Variants in DNAH10 observed in about 807,000 individuals in gnomAD.
DNAH10 encodes dynein axonemal heavy chain 10.
A neutral mutation model predicts 506.6 loss-of-function variants in DNAH10; 348 were observed. The ratio of observed to expected loss-of-function variants is 0.69; its 90% CI spans 0.63 to 0.75. The LOEUF (loss-of-function observed/expected upper bound fraction) is 0.75, where lower values mean the gene tolerates loss of function less well. DNAH10 is among the 30% of genes least tolerant of loss of function. The pLI is 0.00. For missense variants in DNAH10, 5,179 were observed against 5,787.1 expected (o/e 0.89, Z 3.41); for synonymous variants, 2,059 against 2,198.6 (o/e 0.94, Z 1.78).
chr12:123,926,237 T>TAAAA lies in DNAH10; in HGVS notation c.11922-385_11922-382dup, dbSNP rs869303760. 9.2e-6 allele frequency among the ~76,000 whole-genome samples: 1 copy of TAAAA among 108,352 alleles called. No individual in the cohort carries two copies. The allele number at this position is 108,352 out of a possible 152,430, so 71.1% of individuals were successfully genotyped here. On this transcript the variant is annotated intron_variant, in intron 68 of 78. Transcript: ENST00000673944. This position sits in a 1 kb window ranked among gnomAD's most constrained non-coding sequence, Gnocchi z 4.1. ...CAGAGTGAGATTATATATTTCAATT[T>TAAAA]AAAAAAAAAAAAAAAAAAGAAAAAG...
intron 59 of DNAH10, among the ~76,000 whole-genome samples, chr12:123,911,255 CTGG>C (rs1238909891): frequency 1.5e-5 from 1 of 67,606 alleles, no homozygotes; most frequent in Admixed American, 1.6e-4. Flanking sequence ...TGAATGTGGC[CTGG>C]TGGTGGTGGG....
Position 123,783,947 on chromosome 12 carries a change from G to A in DNAH10, c.1000G>A (p.Gly334Ser), listed in dbSNP as rs201619821. Reference protein sequence around the residue: ...VEAQLKKTPQGKGPLAEIEFW... With the variant: ...VEAQLKKTPQSKGPLAEIEFW... Reference sequence around the variant, plus strand: ...TTTGTGTGTTCATTTCACCTCTCAGGGTAAAGGCCCTCTGGCTGAAATTGA... The same window carrying A: ...TTTGTGTGTTCATTTCACCTCTCAGAGTAAAGGCCCTCTGGCTGAAATTGA... The change falls in exon 8 of 79, where the codon GGT becomes AGT. Residue 334 changes from glycine to serine, a missense_variant and splice_region_variant. By Grantham distance (56) the Gly-to-Ser change is moderately conservative. Coordinates refer to ENST00000673944, the MANE Select transcript of DNAH10 (RefSeq NM_001372106.1). 352 of 1,613,974 alleles carry A rather than the reference G, an allele frequency of 2.2e-4. No homozygotes were observed. The Middle Eastern group carries it at 3.1e-3, about 14-fold the overall frequency.
intron 65 of DNAH10, among the ~76,000 whole-genome samples, chr12:123,922,478 C>G (rs1954772590): frequency 6.6e-6 from 1 of 152,192 alleles, no homozygotes; most frequent in Non-Finnish European, 1.5e-5. Context: ...GTAGGACACA[C>G]TCGTGTCCCT....
At chr12:123,881,929 A>G in intron 51 of DNAH10, 116 bp downstream of exon 51, 1 of 1,031,408 alleles carries the variant, frequency 9.7e-7, no homozygotes, top group East Asian at 3.2e-5. Context: ...TTCATAGAGT[A>G]TCGAGGTGGG....
At position 123,838,709 on chromosome 12, in the gene DNAH10, AGG is replaced by A. The variant is rs770108171; in HGVS notation, c.5136+23_5136+24del. The A allele has an allele frequency of 2.3e-4, 372 of 1,606,048 alleles. No individual in the cohort carries two copies. The highest frequency in any genetic ancestry group is 3.1e-4 in the Non-Finnish European group (360 of 1,174,388). ...ATCAAGGTCAGCCCTCTGGGTGTGC[AGG>A]GGCTCCCCGTGTAAGCCTTAGAACC... On this transcript the variant is annotated intron_variant, in intron 29 of 78. Coordinates refer to ENST00000673944, the MANE Select transcript of DNAH10 (RefSeq NM_001372106.1).
In DNAH10 at chr12:123,799,349, T is replaced by G. The variant is rs1207083002; in HGVS notation, c.2267T>G (p.Met756Arg). ...ACGGAGCAGGTGCTGCCAGCTCTCA[T>G]GAAGAAGAGCCTTTTGACCAAGGTG... ...EVTEQVLPAL[M>R]KKSLLTKSSI... The change falls in exon 14 of 79, where the codon ATG (methionine) becomes AGG (arginine). Residue 756 changes from methionine to arginine, a missense_variant. Coordinates refer to ENST00000673944, the MANE Select transcript of DNAH10 (RefSeq NM_001372106.1). 1 of 1,611,728 alleles carries G rather than the reference T, an allele frequency of 6.2e-7. No individual in the cohort carries two copies. Among genetic ancestry groups the G allele is most frequent in the African/African-American group, 1.3e-5 (1 of 74,888 alleles).
chr12:123,916,424 G>A lies in DNAH10; in HGVS notation c.10723-33G>A, dbSNP rs1954481555. The stretch of plus-strand genomic sequence containing the variant: ...ATTTGGCAGGGCCACAGTTAAACGT[G>A]GGCTTTCAGCATCTGCCTCCCTTCT... On this transcript the variant is annotated intron_variant, in intron 62 of 78. Transcript: ENST00000673944. This position sits in a 1 kb window ranked among gnomAD's most constrained non-coding sequence, Gnocchi z 4.6. The A allele has an allele frequency of 6.3e-7, 1 of 1,581,816 alleles. No individual in the cohort carries two copies. Among genetic ancestry groups the A allele is most frequent in the African/African-American group, 1.4e-5 (1 of 73,462 alleles).
Position 123,838,646 on chromosome 12 carries a change from T to C in DNAH10, c.5093T>C (p.Leu1698Pro). The change falls in exon 29 of 79, where the codon CTG becomes CCG. Residue 1698 changes from leucine (L) to proline (P), a missense_variant. Leu to Pro is a moderately conservative substitution (Grantham distance 98, BLOSUM62 -3). Transcript: ENST00000673944. The part of the protein sequence containing the change: ...FISDDELLSI[L>P]GSSDPLCVQE... Reference sequence around the variant, plus strand: ...TCTGACGATGAGTTGCTTAGCATTCTGGGGAGCAGCGACCCACTCTGCGTC... The same window carrying C: ...TCTGACGATGAGTTGCTTAGCATTCCGGGGAGCAGCGACCCACTCTGCGTC... The C allele has an allele frequency of 1.2e-6, 2 of 1,613,974 alleles. No individual in the cohort carries two copies. Among genetic ancestry groups the C allele is most frequent in the Non-Finnish European group, 1.7e-6 (2 of 1,179,884 alleles).
chr12:123,842,719 AT>A (rs1247614478), intron 30 of DNAH10, among the ~76,000 whole-genome samples: 3 of 152,202 alleles, frequency 2.0e-5, no homozygotes, highest in South Asian at 4.1e-4. Flanking sequence ...TCTGGAAAAA[AT>A]TTTTTTAAAG....
At chr12:123,848,236 C>T (rs1951033300) in intron 33 of DNAH10, 141 bp downstream of exon 33, 1 of 1,279,314 alleles carries the variant, frequency 7.8e-7, no homozygotes, top group Non-Finnish European at 1.1e-6. Context: ...AGCCCCAGAA[C>T]CTAAGTGTGT....
At position 123,926,701 on chromosome 12, in the gene DNAH10, A is replaced by G. The variant is rs1482627738; in HGVS notation, c.11986A>G (p.Ile3996Val). Residue 3996 changes from isoleucine (I) to valine (V), a missense_variant, in exon 69 of 79, where the codon ATT becomes GTT. Ile to Val is a conservative substitution (Grantham distance 29). Coordinates refer to ENST00000673944, the MANE Select transcript of DNAH10 (RefSeq NM_001372106.1). This position sits in a 1 kb window ranked among gnomAD's most constrained non-coding sequence, Gnocchi z 4.1. ...IFEQSTPHSP[I>V]VFILSPGSDP... Reference sequence around the variant, plus strand: ...TGAGCAGAGCACTCCACATTCGCCCATTGTGTTTATCCTGAGTCCTGGCTC... The same window carrying G: ...TGAGCAGAGCACTCCACATTCGCCCGTTGTGTTTATCCTGAGTCCTGGCTC... The G allele has an allele frequency of 1.2e-6, 2 of 1,613,850 alleles. No homozygotes were observed. The highest frequency in any genetic ancestry group is 1.3e-5 in the African/African-American group (1 of 74,896).
At chr12:123,783,915 A>G in intron 7 of DNAH10, 32 bp from the exon 8 acceptor site, 1 of 1,588,744 alleles carries the variant, frequency 6.3e-7, no homozygotes, top group Non-Finnish European at 8.6e-7. Context: ...CCTAATAATG[A>G]GAGTTCTTTG....
intron 21 of DNAH10, among the ~76,000 whole-genome samples, chr12:123,816,233 C>T (rs915082057): frequency 2.0e-5 from 3 of 152,158 alleles, no homozygotes; most frequent in Non-Finnish European, 2.9e-5. Flanking sequence ...TGACTGGTGG[C>T]TGGGAGCCCT....
At chr12:123,890,580 C>T (rs1952937387) in intron 52 of DNAH10, among the ~76,000 whole-genome samples, 1 of 152,080 alleles carries the variant, frequency 6.6e-6, no homozygotes, top group Non-Finnish European at 1.5e-5. Flanking sequence ...GCCACTGCAC[C>T]CAGCCAAGAT....
chr12:123,929,666 C>T lies in DNAH10; in HGVS notation c.12519C>T (p.Val4173=), dbSNP rs1955114377. Residue 4173 remains valine (V), a splice_region_variant and synonymous_variant, in exon 72 of 79, where the codon GTC becomes GTT. Coordinates refer to ENST00000673944, the MANE Select transcript of DNAH10 (RefSeq NM_001372106.1). ...YYDFNESDFQ[V]CMEILNTYLT... ...TGAGCGTGTTCTCTTCTTTCAAGGT[C>T]TGCATGGAAATTCTGAACACGTACT... The T allele has an allele frequency of 1.2e-6, 2 of 1,612,772 alleles. No individual in the cohort carries two copies. The highest frequency in any genetic ancestry group is 4.5e-5 in the East Asian group (2 of 44,842).
chr12:123,914,378 G>A lies in DNAH10; in HGVS notation c.10402G>A (p.Gly3468Arg). The A allele has an allele frequency of 6.2e-7, 1 of 1,613,436 alleles. No individual in the cohort carries two copies. The highest frequency in any genetic ancestry group is 1.1e-5 in the South Asian group (1 of 91,078). The change falls in exon 61 of 79, where the codon GGG (glycine) becomes AGG (arginine). Residue 3468 changes from glycine to arginine, a missense_variant. Physicochemically the swap from Gly to Arg is moderately radical, Grantham distance 125. Around this residue, in one of 3 missense-constraint regions of DNAH10, gnomAD observed 4,844 missense variants for 5,430.5 expected, o/e 0.89. Coordinates refer to ENST00000673944, the MANE Select transcript of DNAH10 (RefSeq NM_001372106.1). Reference sequence around the variant, plus strand: ...GATGCACCGGCGCGTGAAGCTGCTGGGGGACTGCCTGCTCTGCGCGGCTTT... The same window carrying A: ...GATGCACCGGCGCGTGAAGCTGCTGAGGGACTGCCTGCTCTGCGCGGCTTT... The part of the protein sequence containing the change: ...ELMHRRVKLL[G>R]DCLLCAAFLS...
Position 123,913,937 on chromosome 12 carries a change from C to T in DNAH10, c.10353-392C>T, listed in dbSNP as rs763922102. 8.5e-5 allele frequency among the ~76,000 whole-genome samples: 13 copies of T among 152,200 alleles called. No individual in the cohort carries two copies. Among genetic ancestry groups the T allele is most frequent in the Admixed American group, 2.0e-4 (3 of 15,276 alleles). On this transcript the variant is annotated intron_variant, in intron 60 of 78. Transcript: ENST00000673944. This position sits in a 1 kb window ranked among gnomAD's most constrained non-coding sequence, Gnocchi z 5.1. ...ACTGAAAGAGGACAAATGAAACAGACGCTTTCTTTTATCTTGGGTGGAATT... is the reference window on the plus strand; with the variant it reads ...ACTGAAAGAGGACAAATGAAACAGATGCTTTCTTTTATCTTGGGTGGAATT...
In DNAH10 at chr12:123,917,769, G is replaced by T; in HGVS notation, c.11188G>T (p.Asp3730Tyr). The T allele has an allele frequency of 6.3e-7, 1 of 1,576,278 alleles. No individual in the cohort carries two copies. The highest frequency in any genetic ancestry group is 8.6e-7 in the Non-Finnish European group (1 of 1,161,356). Residue 3730 changes from aspartate to tyrosine, a missense_variant, in exon 64 of 79, where the codon GAC (aspartate) becomes TAC (tyrosine). Asp to Tyr is a radical substitution (Grantham distance 160, BLOSUM62 -3). Around this residue, in one of 3 missense-constraint regions of DNAH10, gnomAD observed 4,844 missense variants for 5,430.5 expected, o/e 0.89. Coordinates refer to ENST00000673944, the MANE Select transcript of DNAH10 (RefSeq NM_001372106.1). The surrounding 1 kb of genome is among the most constrained non-coding windows in gnomAD (Gnocchi z 5.6). ...CACGGGGAACATGCTGGACAATGTG[G>T]ACCTGGTGCACACCCTGGAGGAGAC... ...TSTGNMLDNV[D>Y]LVHTLEETKS...
chr12:123,859,400 C>T lies in DNAH10; in HGVS notation c.6749+132C>T, dbSNP rs528034239. 172 of 668,076 alleles carry T rather than the reference C, an allele frequency of 2.6e-4. No individual in the cohort carries two copies. In the African/African-American group the frequency reaches 3.0e-3, roughly 12 times the overall value. 41.4% of individuals were successfully genotyped at this position (668,076 alleles called of 1,614,324 possible). ...GTAAATTTGTAATACACACCCCTTT[C>T]GACTCAGCGTGTTTTTACTGACTTT... On this transcript the variant is annotated intron_variant, in intron 38 of 78. Coordinates refer to ENST00000673944, the MANE Select transcript of DNAH10 (RefSeq NM_001372106.1).
Sources: allele counts gnomAD v4.1 joint callset (sites outside exome capture counted in the v4.1 genomes callset), GRCh38; gene constraint gnomAD v4.1.1; regional missense constraint gnomAD v4.1.1; non-coding constraint Gnocchi (gnomAD v3.1); transcripts MANE v1.5; gene names NCBI Gene and HGNC (gene_info 2026-07-23, HGNC 2026-07-21).